Variants in TMEM11 observed in about 807,000 individuals in gnomAD.
The protein encoded by TMEM11 is transmembrane protein 11, mitochondrial.
In TMEM11, 1 loss-of-function variant was observed where a neutral mutation model predicts 17.0. The observed-to-expected ratio is 0.06, with a 90% CI of 0.02 to 0.28. The LOEUF (loss-of-function observed/expected upper bound fraction) is 0.28, where lower values mean the gene tolerates loss of function less well. Among genes scored for constraint, TMEM11 ranks in the 10% least tolerant of loss-of-function variants. TMEM11 has a pLI of 1.00. For synonymous variants in TMEM11, 122 were observed against 118.1 expected (o/e 1.03, Z -0.21); for missense variants, 172 against 252.9 (o/e 0.68, Z 2.17).
chr17:21,208,201 C>T (rs1974965252), intron 1 of TMEM11, among the ~76,000 whole-genome samples: 1 of 150,220 alleles, frequency 6.7e-6, no homozygotes, highest in Non-Finnish European at 1.5e-5. Flanking sequence ...ACTGTGTTAG[C>T]GAGGATGGTC....
intron 1 of TMEM11, among the ~76,000 whole-genome samples, chr17:21,202,218 C>A (rs899729628): frequency 5.9e-5 from 9 of 152,204 alleles, no homozygotes; most frequent in Non-Finnish European, 1.0e-4. Context: ...AGGACCAAAT[C>A]GTGTCCCAAT....
chr17:21,214,063 C>A (rs1403929517), intron 1 of TMEM11, 28 bp downstream of exon 1: 4 of 1,602,334 alleles, frequency 2.5e-6, no homozygotes, highest in South Asian at 1.1e-5. Context: ...GCCGCCTGCA[C>A]TGGGGGCAAC....
chr17:21,198,474 C>T lies in TMEM11; in HGVS notation c.429G>A (p.Leu143=), dbSNP rs1278750477. 6.2e-7 allele frequency: 1 copy of T among 1,614,220 alleles called. No individual in the cohort carries two copies. Among genetic ancestry groups the T allele is most frequent in the South Asian group, 1.1e-5 (1 of 91,088 alleles). Residue 143 remains leucine, a synonymous_variant, in exon 2 of 2, where the codon CTG becomes CTA. Coordinates refer to ENST00000317635, the MANE Select transcript of TMEM11 (RefSeq NM_003876.3). The surrounding 1 kb of genome is among the most constrained non-coding windows in gnomAD (Gnocchi z 6.5). ...KYQVEYDAYK[L]SRLPLHTLTS... is the part of the protein sequence containing the mutation. ...TGAGTGTGTGCAGAGGCAGGCGCGA[C>T]AGTTTATAGGCGTCGTACTCCACTT...
intron 1 of TMEM11, among the ~76,000 whole-genome samples, chr17:21,208,873 G>A (rs1025730067): frequency 6.6e-6 from 1 of 152,198 alleles, no homozygotes; most frequent in African/African-American, 2.4e-5. Flanking sequence ...AACAATTATG[G>A]TTATTAAGAG....
chr17:21,202,089 C>T (rs920047233), intron 1 of TMEM11, among the ~76,000 whole-genome samples: 3 of 152,090 alleles, frequency 2.0e-5, no homozygotes, highest in Non-Finnish European at 2.9e-5. Flanking sequence ...CCTGGGTGTG[C>T]GGGGAGGGGC....
Position 21,214,141 on chromosome 17 carries a change from C to G in TMEM11, c.12G>C (p.Trp4Cys). 1 of 1,612,532 alleles carries G rather than the reference C, an allele frequency of 6.2e-7. No homozygotes were observed. Among genetic ancestry groups the G allele is most frequent in the South Asian group, 1.1e-5 (1 of 90,918 alleles). The change falls in exon 1 of 2, where the codon TGG becomes TGC. Residue 4 changes from tryptophan to cysteine, a missense_variant. Physicochemically the swap from Trp to Cys is radical, Grantham distance 215. This residue lies in a region of TMEM11 where 49 missense variants were observed against 39.3 expected (regional missense o/e 1.25). Coordinates refer to ENST00000317635, the MANE Select transcript of TMEM11 (RefSeq NM_003876.3). Reference sequence around the variant, plus strand: ...TGCCCGGGCCAAGACGCCTCCTTCCCCAAGCGGCCATCTTGGAGACACTCT... The same window carrying G: ...TGCCCGGGCCAAGACGCCTCCTTCCGCAAGCGGCCATCTTGGAGACACTCT... The part of the protein sequence containing the change: MAA[W>C]GRRRLGPGSS...
At chr17:21,213,972 A>G in intron 1 of TMEM11, 119 bp downstream of exon 1, 3 of 977,992 alleles carry the variant, frequency 3.1e-6, no homozygotes, top group South Asian at 3.3e-5. Context: ...ATGCCCGGCG[A>G]GGGTAGGGGG....
intron 1 of TMEM11, among the ~76,000 whole-genome samples, chr17:21,200,044 C>G (rs1974866022): frequency 1.3e-5 from 2 of 151,606 alleles, no homozygotes; most frequent in African/African-American, 4.9e-5. Flanking sequence ...AAGGGGCTTT[C>G]CCCCCCGGGA....
rs930524455 is a variant in TMEM11, at chr17:21,197,995, G to T, written c.*329C>A. ...TTTAATGATCAATAGCTTCTGGTGG[G>T]CTCTGGATGGTACAGTTAAACAATA... On this transcript the variant is annotated 3_prime_UTR_variant, in exon 2 of 2. Coordinates refer to ENST00000317635, the MANE Select transcript of TMEM11 (RefSeq NM_003876.3). The T allele has an allele frequency of 3.5e-5, 8 of 230,316 alleles. No individual in the cohort carries two copies. The highest frequency in any genetic ancestry group is 6.8e-5 in the Non-Finnish European group (8 of 118,046). The allele number at this position is 230,316 out of a possible 1,614,324, so 14.3% of individuals were successfully genotyped here. A position where few individuals can be genotyped will look rare whatever the true frequency, so the allele number is the denominator to read the frequency against.
chr17:21,201,746 C>T (rs916716316), intron 1 of TMEM11, among the ~76,000 whole-genome samples: 1 of 152,026 alleles, frequency 6.6e-6, no homozygotes, highest in Non-Finnish European at 1.5e-5. Context: ...CTCTGCCTCC[C>T]GAGTAGCTGG....
rs751510486 is a variant in TMEM11, at chr17:21,198,441, G to T, written c.462C>A (p.Ser154=). ...SRLPLHTLTS[S]TPVVLVRKDD... ...CCTTCCGGACCAGCACCACCGGGGT[G>T]GAGGAGGTGAGTGTGTGCAGAGGCA... is the stretch of plus-strand genomic sequence containing the variant. The change falls in exon 2 of 2, where the codon TCC becomes TCA. Residue 154 remains serine (S), a synonymous_variant. Transcript: ENST00000317635. This position sits in a 1 kb window ranked among gnomAD's most constrained non-coding sequence, Gnocchi z 6.5. 2 of 1,614,132 alleles carry T rather than the reference G, an allele frequency of 1.2e-6. No individual in the cohort carries two copies. Among genetic ancestry groups the T allele is most frequent in the Non-Finnish European group, 8.5e-7 (1 of 1,180,056 alleles).
chr17:21,212,107 G>T (rs1393889846), intron 1 of TMEM11, among the ~76,000 whole-genome samples: 2 of 152,152 alleles, frequency 1.3e-5, no homozygotes, highest in Non-Finnish European at 2.9e-5. Flanking sequence ...GCTGGGCTCG[G>T]GGAAATGACT....
chr17:21,203,991 C>CT (rs368733534), intron 1 of TMEM11, among the ~76,000 whole-genome samples: 43,356 of 107,542 alleles, frequency 0.4, 9,920 homozygotes, highest in Non-Finnish European at 0.52. Flanking sequence ...ATTATATGGA[C>CT]TTTTTTTTTT....
chr17:21,209,974 C>T (rs975796418), intron 1 of TMEM11, among the ~76,000 whole-genome samples: 3 of 152,148 alleles, frequency 2.0e-5, no homozygotes, highest in Non-Finnish European at 2.9e-5. Flanking sequence ...GGCACCAGGG[C>T]GGAACACCGT....
chr17:21,206,920 G>A (rs936666020), intron 1 of TMEM11, among the ~76,000 whole-genome samples: 2 of 152,166 alleles, frequency 1.3e-5, no homozygotes, highest in African/African-American at 4.8e-5. Flanking sequence ...GAACGATGAA[G>A]TGGCTTTCCC....
chr17:21,209,310 C>A (rs538639847), intron 1 of TMEM11, among the ~76,000 whole-genome samples: 1 of 152,202 alleles, frequency 6.6e-6, no homozygotes, highest in African/African-American at 2.4e-5. Context: ...GCAAAACACC[C>A]GGCCCCTCTG....
chr17:21,201,094 A>C lies in TMEM11; in HGVS notation c.63-2254T>G, dbSNP rs1974878504. Among the ~76,000 whole-genome samples the C allele has an allele frequency of 2.0e-5, 3 of 152,230 alleles. No individual in the cohort carries two copies. In the South Asian group the frequency reaches 6.2e-4, roughly 31 times the overall value. On this transcript the variant is annotated intron_variant, in intron 1 of 1. Coordinates refer to ENST00000317635, the MANE Select transcript of TMEM11 (RefSeq NM_003876.3). ...CAAAGCTTTCAGCAAACAAATAAGC[A>C]AACCTAACAGGCAGGGTTGCATTCT...
rs190211275 is a variant in TMEM11, at chr17:21,213,802, G to A, written c.62+289C>T. ...GGCGGGTCCCTGAGGCCTGCGCTGG[G>A]CGCCAGTTCCTTTCAGCACGGCCCG... On this transcript the variant is annotated intron_variant, in intron 1 of 1. Coordinates refer to ENST00000317635, the MANE Select transcript of TMEM11 (RefSeq NM_003876.3). 2,173 of 450,006 alleles carry A rather than the reference G, an allele frequency of 4.8e-3. 6 individuals carry two copies. The highest frequency in any genetic ancestry group is 7.7e-3 in the Middle Eastern group (13 of 1,682). 27.9% of individuals were successfully genotyped at this position (450,006 alleles called of 1,614,324 possible).
At chr17:21,207,995 TC>T (rs1169814357) in intron 1 of TMEM11, among the ~76,000 whole-genome samples, 6 of 85,000 alleles carry the variant, frequency 7.1e-5, no homozygotes, top group African/African-American at 2.9e-4. Flanking sequence ...AAAAAGTGTT[TC>T]TTTTTTTTTT....
Sources: gnomAD v4.1 joint callset for allele counts (sites outside exome capture counted in the v4.1 genomes callset) on GRCh38, gnomAD v4.1.1 for gene constraint, gnomAD v4.1.1 regional missense constraint, Gnocchi (gnomAD v3.1) non-coding constraint, MANE v1.5 for transcripts, NCBI Gene and HGNC (gene_info 2026-07-23, HGNC 2026-07-21) for gene names.